Variants in DENND4C observed in about 807,000 individuals in gnomAD.
DENND4C encodes DENN domain containing 4C.
DENND4C carries 108 observed loss-of-function variants against 203.0 expected under a neutral mutation model. The ratio of observed to expected loss-of-function variants is 0.53; its 90% confidence interval spans 0.46 to 0.62. The LOEUF (loss-of-function observed/expected upper bound fraction) is 0.62. Among genes scored for constraint, DENND4C ranks in the 20% least tolerant of loss-of-function variants. The probability of loss-of-function intolerance (pLI) is 0.00; values close to 1 mark genes in which losing one functional copy is unlikely to be tolerated. For synonymous variants in DENND4C, 871 were observed against 792.4 expected, an observed-to-expected ratio of 1.10 and a Z score of -1.67; for missense variants, 2,481 against 2,301.2, an observed-to-expected ratio of 1.08 and a Z score of -1.60.
intron 30 of DENND4C, among the ~76,000 whole-genome samples, chr9:19,363,453 A>G (rs1213062094): frequency 6.6e-6 from 1 of 152,034 alleles, no homozygotes; most frequent in Non-Finnish European, 1.5e-5. Context: ...CGGAGGTTGC[A>G]GTGAGCCAAG....
intron 2 of DENND4C, among the ~76,000 whole-genome samples, chr9:19,283,642 G>GTTTTTTTTTTTTTTTTTTT (rs1554718142): frequency 1.1e-5 from 1 of 91,774 alleles, no homozygotes; most frequent in Non-Finnish European, 2.2e-5. Flanking sequence ...ACAGAGTTTC[G>GTTTTTTTTTTTTTTTTTTT]TTCTTGTTGC....
rs759100714 is a variant in DENND4C at position 19,369,929 on chromosome 9, G to A, written c.5617G>A (p.Val1873Ile). ...CAGGCAGAGTATTCAGCACAATAAT[G>A]TTCTTAAACCCATCAACCTACTTTC... is the stretch of plus-strand genomic sequence containing the variant. ...TIRQSIQHNN[V>I]LKPINLLSQQ... Residue 1873 changes from valine to isoleucine, a missense_variant, in exon 31 of 33, where the codon GTT becomes ATT. Val to Ile is a conservative substitution (Grantham distance 29, BLOSUM62 3). Transcript: ENST00000434457. 19 of 1,613,886 alleles carry A rather than the reference G, an allele frequency of 1.2e-5. No homozygotes were observed. Among genetic ancestry groups the A allele is most frequent in the South Asian group, 2.2e-5 (2 of 91,070 alleles).
Position 19,332,898 on chromosome 9 carries a change from C to T in DENND4C, c.2460+714C>T, listed in dbSNP as rs1036759885. Among the ~76,000 whole-genome samples, 20 of 150,784 alleles carry T rather than the reference C, an allele frequency of 1.3e-4. No homozygotes were observed. In the East Asian group the frequency reaches 3.7e-3, roughly 28 times the overall value. ...TACAGGCATGAGCCACTGTGGCTGG[C>T]TTCATTTTATTCTTAATATAACTTT... On this transcript the variant is annotated intron_variant, in intron 17 of 32. Transcript: ENST00000434457.
At position 19,346,724 on chromosome 9, in the gene DENND4C, A is replaced by C. The variant is rs1354068267; in HGVS notation, c.3955A>C (p.Ile1319Leu). 6.2e-7 allele frequency: 1 copy of C among 1,614,104 alleles called. No individual in the cohort carries two copies. The highest frequency in any genetic ancestry group is 1.3e-5 in the African/African-American group (1 of 74,940). The change falls in exon 23 of 33, where the codon ATT becomes CTT. Residue 1319 changes from isoleucine (I) to leucine (L), a missense_variant. Transcript: ENST00000434457. ...AGAGTCTGGCATGACTACTGCATTT[A>C]TTCATGCTCTAGAGAGGAGATCAAG... ...NRESGMTTAF[I>L]HALERRSSLP... is the part of the protein sequence containing the mutation.
intron 26 of DENND4C, among the ~76,000 whole-genome samples, chr9:19,354,790 C>T (rs1305040786): frequency 6.6e-6 from 1 of 152,004 alleles, no homozygotes; most frequent in Non-Finnish European, 1.5e-5. Context: ...AGATGATCCA[C>T]CCACCTTGGC....
intron 12 of DENND4C, among the ~76,000 whole-genome samples, chr9:19,321,292 A>G (rs1392056109): frequency 2.0e-5 from 3 of 152,186 alleles, no homozygotes; most frequent in African/African-American, 7.2e-5. Flanking sequence ...GTGTGAATAG[A>G]AGAGTGATTT....
chr9:19,257,394 G>T (rs572829943), intron 1 of DENND4C, among the ~76,000 whole-genome samples: 1 of 150,274 alleles, frequency 6.7e-6, no homozygotes, highest in South Asian at 2.1e-4. Context: ...ATCTAGATTT[G>T]TGGGGTACCA....
chr9:19,356,163 CCTAT>C (rs1014297045), intron 26 of DENND4C, among the ~76,000 whole-genome samples: 14 of 151,968 alleles, frequency 9.2e-5, no homozygotes, highest in African/African-American at 3.1e-4. Flanking sequence ...TAGTCTATCA[CCTAT>C]CTGTCTCTCC....
intron 30 of DENND4C, among the ~76,000 whole-genome samples, chr9:19,363,896 C>T (rs1454482760): frequency 6.6e-6 from 1 of 151,990 alleles, no homozygotes; most frequent in African/African-American, 2.4e-5. Context: ...CGCCTGTAAT[C>T]CCAGCTACTC....
chr9:19,234,228 T>C (rs945706668), intron 1 of DENND4C, among the ~76,000 whole-genome samples: 4 of 152,096 alleles, frequency 2.6e-5, no homozygotes, highest in South Asian at 2.1e-4. Flanking sequence ...CTGATTGTTA[T>C]TTTTATTAAT....
chr9:19,276,019 G>A (rs1051633086), intron 1 of DENND4C, 139 bp from the exon 2 acceptor site: 4 of 428,158 alleles, frequency 9.3e-6, no homozygotes, highest in Non-Finnish European at 1.2e-5. Context: ...ATAAAAGCAG[G>A]CTTCTTCTCA....
chr9:19,290,843 A>T lies in DENND4C; in HGVS notation c.768A>T (p.Ser256=). The change falls in exon 5 of 33, where the codon TCA becomes TCT. Residue 256 remains serine, a synonymous_variant. Coordinates refer to ENST00000434457, the MANE Select transcript of DENND4C (RefSeq NM_001330640.2). ...PETKYPLPVF[S]TFVLTGSSAK... ...CCAAATATCCACTTCCAGTTTTTTC[A>T]ACTTTTGTCTTGACAGGTTCTTCAG... The T allele has an allele frequency of 6.2e-7, 1 of 1,613,548 alleles. No homozygotes were observed. The highest frequency in any genetic ancestry group is 8.5e-7 in the Non-Finnish European group (1 of 1,179,718).
rs547756600 is a variant in DENND4C, at chr9:19,330,484, C to T, written c.2254-1494C>T. On this transcript the variant is annotated intron_variant, in intron 16 of 32. Transcript: ENST00000434457. Reference sequence around the variant, plus strand: ...CCTCCTGAATAGCTGGGATTACAGGCGCCCACCAACACGCCCAACTAATTT... The same window carrying T: ...CCTCCTGAATAGCTGGGATTACAGGTGCCCACCAACACGCCCAACTAATTT... Among the ~76,000 whole-genome samples, 237 of 151,768 alleles carry T rather than the reference C, an allele frequency of 1.6e-3. 1 individual carries two copies. The highest frequency in any genetic ancestry group is 3.4e-3 in the Middle Eastern group (1 of 294).
chr9:19,283,432 A>G (rs73429059), intron 2 of DENND4C, among the ~76,000 whole-genome samples: 5,599 of 152,094 alleles, frequency 0.037, 339 homozygotes, highest in African/African-American at 0.13. Flanking sequence ...TAATGATAAA[A>G]GGTATAGTAT....
At chr9:19,281,402 T>C (rs1687841503) in intron 2 of DENND4C, among the ~76,000 whole-genome samples, 1 of 152,178 alleles carries the variant, frequency 6.6e-6, no homozygotes, top group South Asian at 2.1e-4. Flanking sequence ...CCCCACTCTT[T>C]CCTCACTCTA....
chr9:19,369,758 TG>T, intron 30 of DENND4C, 78 bp from the exon 31 acceptor site: 1 of 852,856 alleles, frequency 1.2e-6, no homozygotes, highest in Non-Finnish European at 1.5e-6. Flanking sequence ...CAGAGTGAGA[TG>T]TTGTCTCAAA....
chr9:19,272,848 G>A (rs1180670433), intron 1 of DENND4C, among the ~76,000 whole-genome samples: 2 of 151,262 alleles, frequency 1.3e-5, no homozygotes, highest in Non-Finnish European at 3.0e-5. Flanking sequence ...GCTCACTGCA[G>A]CCTCTGCCTC....
At chr9:19,357,408 T>C (rs1211067150) in intron 27 of DENND4C, 1 of 396,538 alleles carries the variant, frequency 2.5e-6, no homozygotes, top group Non-Finnish European at 4.5e-6. Context: ...TCCCTTTTAA[T>C]ATAGTCATTG....
chr9:19,324,761 C>T (rs183924449), intron 13 of DENND4C, among the ~76,000 whole-genome samples: 7 of 152,124 alleles, frequency 4.6e-5, no homozygotes, highest in African/African-American at 1.7e-4. Context: ...ATTCTGTTAC[C>T]CAGGCTAGGG....
Sources: allele counts gnomAD v4.1 joint callset (sites outside exome capture counted in the v4.1 genomes callset), GRCh38; gene constraint gnomAD v4.1.1; transcripts MANE v1.5; gene names NCBI Gene and HGNC (gene_info 2026-07-23, HGNC 2026-07-21).